Variants in CAMK4 observed in about 807,000 individuals in gnomAD.
CAMK4 encodes calcium/calmodulin dependent protein kinase IV.
In CAMK4, 22 loss-of-function variants were observed where a neutral mutation model predicts 44.9. The ratio of observed to expected loss-of-function variants is 0.49; its 90% CI spans 0.35 to 0.70. The LOEUF (loss-of-function observed/expected upper bound fraction) is 0.70. Ranked by LOEUF, CAMK4 falls within the 30% of genes least tolerant of loss-of-function variation. CAMK4 has a pLI of 0.01. For missense variants in CAMK4, 498 were observed against 586.8 expected, an observed-to-expected ratio of 0.85 and a Z score of 1.56; for synonymous variants, 218 against 215.4, an observed-to-expected ratio of 1.01 and a Z score of -0.11.
intron 1 of CAMK4, among the ~76,000 whole-genome samples, chr5:111,301,071 C>T (rs1580552112): frequency 6.6e-6 from 1 of 151,344 alleles, no homozygotes; most frequent in Middle Eastern, 3.4e-3. Flanking sequence ...AGCTTCATGG[C>T]TTACTGGTTT....
intron 5 of CAMK4, among the ~76,000 whole-genome samples, chr5:111,427,497 G>A (rs771236708): frequency 2.0e-5 from 3 of 152,140 alleles, no homozygotes; most frequent in Non-Finnish European, 4.4e-5. Flanking sequence ...TTTTGGACCC[G>A]CCCTACCCCA....
rs905107914 is a variant in CAMK4, at chr5:111,310,555, G to A, written c.162-33469G>A. Among the ~76,000 whole-genome samples, 12 of 152,280 alleles carry A rather than the reference G, an allele frequency of 7.9e-5. 1 individual carries two copies. In the South Asian group the frequency reaches 2.3e-3, roughly 29 times the overall value. ...TTTAGGACTCAAGCTTACTTTGACA[G>A]CAGTGTGGAAGATGGCTCAGAGGGG... is the stretch of plus-strand genomic sequence containing the variant. On this transcript the variant is annotated intron_variant, in intron 1 of 10. Coordinates refer to ENST00000282356, the MANE Select transcript of CAMK4 (RefSeq NM_001744.6).
At position 111,469,058 on chromosome 5, in the gene CAMK4, C is replaced by A. The variant is rs1282227597; in HGVS notation, c.626-4253C>A. ...ACTCAGGAGGCTGAGGCACGAGAAGCGCTTGAACCCAGGAGGCGGAGGTTG... is the reference window on the plus strand; with the variant it reads ...ACTCAGGAGGCTGAGGCACGAGAAGAGCTTGAACCCAGGAGGCGGAGGTTG... On this transcript the variant is annotated intron_variant, in intron 7 of 10. Transcript: ENST00000282356. 4.1e-5 allele frequency among the ~76,000 whole-genome samples: 6 copies of A among 147,186 alleles called. 1 individual carries two copies. In the South Asian group the frequency reaches 1.1e-3, roughly 27 times the overall value.
intron 5 of CAMK4, among the ~76,000 whole-genome samples, chr5:111,415,187 TCTGTC>T (rs1453535117): frequency 1.4e-4 from 22 of 152,202 alleles, no homozygotes; most frequent in Non-Finnish European, 7.3e-5. Flanking sequence ...TAAGTTGTGA[TCTGTC>T]CTGACCTGAG....
At chr5:111,254,518 C>T (rs1749655334) in intron 1 of CAMK4, among the ~76,000 whole-genome samples, 1 of 152,160 alleles carries the variant, frequency 6.6e-6, no homozygotes, top group Non-Finnish European at 1.5e-5. Flanking sequence ...ATATTAATAT[C>T]AAAATACAAG....
intron 1 of CAMK4, among the ~76,000 whole-genome samples, chr5:111,297,502 C>T (rs1747537555): frequency 2.0e-5 from 3 of 152,324 alleles, no homozygotes; most frequent in African/African-American, 7.2e-5. Flanking sequence ...AAGAGAAATT[C>T]AACTATACTG....
chr5:111,351,592 A>G (rs909682859), intron 2 of CAMK4, among the ~76,000 whole-genome samples: 1 of 149,558 alleles, frequency 6.7e-6, no homozygotes, highest in African/African-American at 2.5e-5. Context: ...TTTTTTTTTT[A>G]GTAGAGATGG....
chr5:111,335,253 T>C (rs1749349398), intron 1 of CAMK4, among the ~76,000 whole-genome samples: 1 of 151,486 alleles, frequency 6.6e-6, no homozygotes, highest in African/African-American at 2.4e-5. Context: ...ATAACCTCCC[T>C]TAATAGGAGA....
intron 1 of CAMK4, among the ~76,000 whole-genome samples, chr5:111,247,406 T>G (rs1749287668): frequency 6.8e-6 from 1 of 147,812 alleles, no homozygotes; most frequent in African/African-American, 2.4e-5. Context: ...TATTTATATA[T>G]AAATTTATGT....
chr5:111,422,873 T>G (rs1163927143), intron 5 of CAMK4, among the ~76,000 whole-genome samples: 1 of 152,202 alleles, frequency 6.6e-6, no homozygotes, highest in African/African-American at 2.4e-5. Context: ...CATGCTATAT[T>G]ATGATTATAC....
intron 1 of CAMK4, among the ~76,000 whole-genome samples, chr5:111,259,299 A>G (rs1302608421): frequency 9.9e-5 from 15 of 152,256 alleles, no homozygotes; most frequent in Admixed American, 8.5e-4. Flanking sequence ...GTCTCTAAAT[A>G]AATGGAAAAT....
intron 1 of CAMK4, among the ~76,000 whole-genome samples, chr5:111,325,537 T>C (rs1215660124): frequency 6.6e-6 from 1 of 152,028 alleles, no homozygotes; most frequent in Non-Finnish European, 1.5e-5. Flanking sequence ...TTTTTTATAA[T>C]TGCCATTTTT....
At position 111,489,638 on chromosome 5, in the gene CAMK4, T is replaced by TC. The variant is rs1755748715; in HGVS notation, c.*5172_*5173insC. The TC allele has an allele frequency of 6.6e-6, 1 of 152,220 alleles. No homozygotes were observed. The highest frequency in any genetic ancestry group is 2.4e-5 in the African/African-American group (1 of 41,456). 9.4% of individuals were successfully genotyped at this position (152,220 alleles called of 1,614,324 possible). A position where few individuals can be genotyped will look rare whatever the true frequency, so the allele number is the denominator to read the frequency against. On this transcript the variant is annotated 3_prime_UTR_variant, in exon 11 of 11. Coordinates refer to ENST00000282356, the MANE Select transcript of CAMK4 (RefSeq NM_001744.6). ...GCCTTGCCGAGAAAGTGAACTGTCTTACTCCTTCAAAGGAATCAGATGTTG... is the reference window on the plus strand; with the variant it reads ...GCCTTGCCGAGAAAGTGAACTGTCTTCACTCCTTCAAAGGAATCAGATGTTG...
chr5:111,280,946 T>G (rs1304802278), intron 1 of CAMK4, among the ~76,000 whole-genome samples: 2 of 152,226 alleles, frequency 1.3e-5, no homozygotes, highest in Non-Finnish European at 2.9e-5. Context: ...TTTTGGAATC[T>G]TCTTTAGATT....
chr5:111,240,431 C>A lies in CAMK4; in HGVS notation c.161+15787C>A, dbSNP rs1748935595. ...TTAAATGATGTTACTATTAGCCATA[C>A]CTAAAAAATGTATTTCTCTAACGTG... is the stretch of plus-strand genomic sequence containing the variant. On this transcript the variant is annotated intron_variant, in intron 1 of 10. Transcript: ENST00000282356. Among the ~76,000 whole-genome samples the A allele has an allele frequency of 1.3e-5, 2 of 152,104 alleles. 1 individual carries two copies. Among genetic ancestry groups the A allele is most frequent in the Non-Finnish European group, 2.9e-5 (2 of 68,026 alleles).
At chr5:111,342,545 C>A (rs934183917) in intron 1 of CAMK4, among the ~76,000 whole-genome samples, 1 of 110,048 alleles carries the variant, frequency 9.1e-6, no homozygotes, top group Non-Finnish European at 1.9e-5. Context: ...TTGTACACAG[C>A]ATATAGTTTG....
chr5:111,442,351 G>C (rs1753854259), intron 5 of CAMK4, among the ~76,000 whole-genome samples: 1 of 152,038 alleles, frequency 6.6e-6, no homozygotes, highest in Non-Finnish European at 1.5e-5. Flanking sequence ...AAGAAAATTA[G>C]CTGGGCATGG....
At chr5:111,331,229 TA>T (rs769635632) in intron 1 of CAMK4, among the ~76,000 whole-genome samples, 1 of 150,212 alleles carries the variant, frequency 6.7e-6, no homozygotes, top group Non-Finnish European at 1.5e-5. Context: ...TCTGGAATTT[TA>T]AAAAAACATA....
intron 1 of CAMK4, among the ~76,000 whole-genome samples, chr5:111,300,560 C>T (rs992792984): frequency 6.6e-6 from 1 of 152,062 alleles, no homozygotes; most frequent in Non-Finnish European, 1.5e-5. Context: ...AAAATGTTTA[C>T]TTCAGACATT....
Sources: allele counts gnomAD v4.1 joint callset (sites outside exome capture counted in the v4.1 genomes callset), GRCh38; gene constraint gnomAD v4.1.1; transcripts MANE v1.5; gene names NCBI Gene and HGNC (gene_info 2026-07-23, HGNC 2026-07-21).